Variants in PDXDC1 observed in about 807,000 individuals in gnomAD.
PDXDC1 encodes pyridoxal-dependent decarboxylase domain-containing protein 1.
A neutral mutation model predicts 100.1 loss-of-function variants in PDXDC1; 42 were observed. That is an observed-to-expected ratio of 0.42 (90% confidence interval 0.33 to 0.54). The LOEUF is 0.54. Ranked by LOEUF, PDXDC1 falls within the 20% of genes least tolerant of loss-of-function variation. PDXDC1 has a pLI of 0.10. For missense variants in PDXDC1, 636 were observed against 979.2 expected (o/e 0.65, Z 4.68); for synonymous variants, 260 against 371.7 (o/e 0.70, Z 3.46).
chr16:15,010,862 T>C (rs1385015345), intron 8 of PDXDC1, among the ~76,000 whole-genome samples: 2 of 152,270 alleles, frequency 1.3e-5, no homozygotes, highest in Non-Finnish European at 2.9e-5. Flanking sequence ...AGATGAAAAA[T>C]TTATGGATAA....
chr16:14,983,479 A>G (rs1968479751), intron 1 of PDXDC1, among the ~76,000 whole-genome samples: 1 of 148,874 alleles, frequency 6.7e-6, no homozygotes, highest in Admixed American at 6.8e-5. Context: ...AGGCTGAGGC[A>G]GGAGAATCGC....
intron 13 of PDXDC1, among the ~76,000 whole-genome samples, chr16:15,024,190 A>G (rs760738819): frequency 3.6e-3 from 550 of 152,180 alleles, no homozygotes; most frequent in Non-Finnish European, 6.1e-3. Flanking sequence ...TTTTCAGTAG[A>G]GGATACAATA....
At chr16:15,100,138 A>G (rs1376887984) in intron 16 of PDXDC1, among the ~76,000 whole-genome samples, 1 of 152,194 alleles carries the variant, frequency 6.6e-6, no homozygotes, top group Non-Finnish European at 1.5e-5. Flanking sequence ...TTTGCTGTGA[A>G]CTAGAAGGGA....
chr16:14,985,925 C>T (rs1969258385), intron 1 of PDXDC1, among the ~76,000 whole-genome samples: 1 of 152,064 alleles, frequency 6.6e-6, no homozygotes, highest in Non-Finnish European at 1.5e-5. Context: ...ATAGTAGGAC[C>T]ATGTCTCTCC....
At chr16:15,132,449 A>C (rs1379016044) in intron 16 of PDXDC1, among the ~76,000 whole-genome samples, 1 of 137,658 alleles carries the variant, frequency 7.3e-6, no homozygotes, top group Non-Finnish European at 1.6e-5. Flanking sequence ...GGGAGGGGAG[A>C]GTGGAAGGCA....
intron 16 of PDXDC1, chr16:15,128,385 G>A (rs1366323502): frequency 3.8e-6 from 6 of 1,561,736 alleles, no homozygotes; most frequent in Non-Finnish European, 5.3e-6. Flanking sequence ...CGTGGGCCGT[G>A]GTACCTGGAG....
At chr16:15,127,965 G>T in intron 16 of PDXDC1, 1 of 1,542,760 alleles carries the variant, frequency 6.5e-7, no homozygotes, top group Non-Finnish European at 8.9e-7. Context: ...ACCTCCCACG[G>T]AGTGGGAACA....
chr16:15,086,135 C>A (rs1318269088), intron 16 of PDXDC1: 1 of 1,602,538 alleles, frequency 6.2e-7, no homozygotes, highest in Non-Finnish European at 8.5e-7. Context: ...TTACGAGGCA[C>A]AAAATGGGAA....
At chr16:15,056,849 T>G (rs151047133) in intron 16 of PDXDC1, among the ~76,000 whole-genome samples, 2 of 152,224 alleles carry the variant, frequency 1.3e-5, no homozygotes, top group African/African-American at 4.8e-5. Context: ...CCCCACGTAC[T>G]AAAGAGATCA....
At chr16:15,044,882 A>G in intron 16 of PDXDC1, 1 of 154,014 alleles carries the variant, frequency 6.5e-6, no homozygotes, top group Non-Finnish European at 1.4e-5. Flanking sequence ...GCACTTTGGG[A>G]GGCTGAGGCG....
intron 16 of PDXDC1, among the ~76,000 whole-genome samples, chr16:15,069,479 T>G (rs1384234096): frequency 6.6e-6 from 1 of 152,200 alleles, no homozygotes; most frequent in Non-Finnish European, 1.5e-5. Flanking sequence ...TCTAATAAGT[T>G]TCAACTGACA....
At chr16:15,003,813 T>C (rs1221712311) in intron 4 of PDXDC1, among the ~76,000 whole-genome samples, 1 of 152,142 alleles carries the variant, frequency 6.6e-6, no homozygotes, top group Non-Finnish European at 1.5e-5. Flanking sequence ...TGAAACCCCG[T>C]CTCTACTAAA....
At chr16:15,048,860 G>A (rs2044185441) in intron 16 of PDXDC1, among the ~76,000 whole-genome samples, 2 of 149,934 alleles carry the variant, frequency 1.3e-5, no homozygotes, top group Admixed American at 6.7e-5. Flanking sequence ...CTGGGCTCAA[G>A]CAATCCACCC....
At chr16:15,020,803 G>A (rs1363949484) in intron 12 of PDXDC1, among the ~76,000 whole-genome samples, 1 of 152,126 alleles carries the variant, frequency 6.6e-6, no homozygotes, top group Non-Finnish European at 1.5e-5. Context: ...GGCCAACATG[G>A]TGAGACTCCG....
chr16:14,999,265 C>T (rs61218572), intron 3 of PDXDC1, among the ~76,000 whole-genome samples: 12,172 of 148,394 alleles, frequency 0.082, 355 homozygotes, highest in Admixed American at 0.17. Context: ...CGGGGTTTCA[C>T]CATGTTGGCC....
At chr16:14,983,136 C>G (rs2151178414) in intron 1 of PDXDC1, among the ~76,000 whole-genome samples, 1 of 152,302 alleles carries the variant, frequency 6.6e-6, no homozygotes, top group South Asian at 2.1e-4. Context: ...AAAAGTCCCC[C>G]AAATAAGAAC....
chr16:15,072,381 T>C (rs1395097980), intron 16 of PDXDC1, among the ~76,000 whole-genome samples: 2 of 152,044 alleles, frequency 1.3e-5, no homozygotes, highest in African/African-American at 2.4e-5. Context: ...AATTACCCCA[T>C]ATGAGATTTT....
intron 16 of PDXDC1, among the ~76,000 whole-genome samples, chr16:15,051,676 C>T (rs2044295041): frequency 6.8e-6 from 1 of 147,662 alleles, no homozygotes; most frequent in African/African-American, 2.5e-5. Context: ...AGCCACTGTG[C>T]CCAGCCTCTA....
chr16:15,065,335 C>T (rs1178491921), intron 16 of PDXDC1: 1 of 1,613,732 alleles, frequency 6.2e-7, no homozygotes, highest in Non-Finnish European at 8.5e-7. Flanking sequence ...GATTGTTCCT[C>T]TCAATGATGG....
Sources: gnomAD v4.1 joint callset for allele counts (sites outside exome capture counted in the v4.1 genomes callset) on GRCh38, gnomAD v4.1.1 for gene constraint, MANE v1.5 for transcripts, NCBI Gene and HGNC (gene_info 2026-07-23, HGNC 2026-07-21) for gene names.